The following DPP10 variants were observed in gnomAD, a reference collection of about 807,000 sequenced individuals.
The protein encoded by DPP10 is inactive dipeptidyl peptidase 10.
A neutral mutation model predicts 120.9 loss-of-function variants in DPP10; 33 were observed. That is an observed-to-expected ratio of 0.27 (90% confidence interval 0.21 to 0.37). The LOEUF (loss-of-function observed/expected upper bound fraction) is 0.37. Among genes scored for constraint, DPP10 ranks in the 10% least tolerant of loss-of-function variants. DPP10 has a pLI of 1.00. For missense variants in DPP10, 816 were observed against 942.8 expected, an observed-to-expected ratio of 0.87 and a Z score of 1.76; for synonymous variants, 337 against 326.1, an observed-to-expected ratio of 1.03 and a Z score of -0.36.
chr2:115,243,697 A>G (rs537058060), intron 1 of DPP10, among the ~76,000 whole-genome samples: 2 of 152,080 alleles, frequency 1.3e-5, no homozygotes, highest in Non-Finnish European at 2.9e-5. Context: ...GACTCATACA[A>G]ATCTGTATCA....
chr2:114,521,405 T>A (rs1466816148), intron 1 of DPP10, among the ~76,000 whole-genome samples: 1 of 151,326 alleles, frequency 6.6e-6, no homozygotes, highest in African/African-American at 2.4e-5. Flanking sequence ...ACATAGAAAA[T>A]AGCATCCATG....
chr2:115,721,659 A>G (rs2092652921), intron 7 of DPP10, among the ~76,000 whole-genome samples: 1 of 152,202 alleles, frequency 6.6e-6, no homozygotes, highest in Non-Finnish European at 1.5e-5. Flanking sequence ...TGTTCAGTAT[A>G]CAAAATAATC....
At chr2:115,356,501 C>G (rs551683373) in intron 3 of DPP10, among the ~76,000 whole-genome samples, 2 of 152,204 alleles carry the variant, frequency 1.3e-5, no homozygotes, top group East Asian at 3.9e-4. Flanking sequence ...TGTCTGCAAA[C>G]AGACACAATT....
intron 3 of DPP10, among the ~76,000 whole-genome samples, chr2:115,419,725 A>T (rs1192651157): frequency 6.6e-6 from 1 of 152,166 alleles, no homozygotes; most frequent in Non-Finnish European, 1.5e-5. Flanking sequence ...ATTCCTGATG[A>T]CTTAAATAAG....
At chr2:114,851,791 C>T (rs1240710636) in intron 1 of DPP10, among the ~76,000 whole-genome samples, 3 of 152,168 alleles carry the variant, frequency 2.0e-5, no homozygotes, top group African/African-American at 4.8e-5. Context: ...CTCCAGAATA[C>T]GCATGTCTGT....
intron 13 of DPP10, among the ~76,000 whole-genome samples, chr2:115,769,062 G>A (rs1048328744): frequency 1.3e-5 from 2 of 151,952 alleles, no homozygotes; most frequent in Middle Eastern, 6.8e-3. Context: ...CAGGTAGTTA[G>A]TTTAAATTTG....
chr2:115,601,839 ATTTT>A (rs34334965), intron 5 of DPP10, among the ~76,000 whole-genome samples: 2 of 139,954 alleles, frequency 1.4e-5, no homozygotes, highest in Admixed American at 7.1e-5. Flanking sequence ...ATGCCTGGCT[ATTTT>A]TTTTTTTTTT....
rs189289347 is a variant in DPP10, at chr2:115,163,662, A to G, written c.61-145577A>G. ...ATCCTCTTTCAGGCTGACAGCCCTT[A>G]AATTTCATTAACAAGCCGCCGAGCC... On this transcript the variant is annotated intron_variant, in intron 1 of 25. Coordinates refer to ENST00000410059, the MANE Select transcript of DPP10 (RefSeq NM_020868.6). 3.3e-5 allele frequency among the ~76,000 whole-genome samples: 5 copies of G among 152,344 alleles called. No homozygotes were observed. The East Asian group carries it at 9.6e-4, about 29-fold the overall frequency.
chr2:115,781,058 T>G, intron 16 of DPP10, 63 bp downstream of exon 16: 1 of 1,357,352 alleles, frequency 7.4e-7, no homozygotes, highest in Non-Finnish European at 9.9e-7. Context: ...CAATATCTGT[T>G]GGTATCAGCA....
At chr2:115,450,169 T>A (rs943574416) in intron 3 of DPP10, among the ~76,000 whole-genome samples, 3 of 151,998 alleles carry the variant, frequency 2.0e-5, no homozygotes, top group African/African-American at 7.2e-5. Flanking sequence ...TATAGCTTAG[T>A]CTAGCCTGTC....
In DPP10 at chr2:115,623,110, G is replaced by T. The variant is rs567970992; in HGVS notation, c.442-66577G>T. Among the ~76,000 whole-genome samples the T allele has an allele frequency of 2.0e-5, 3 of 152,234 alleles. No individual in the cohort carries two copies. In the South Asian group the frequency reaches 6.2e-4, roughly 32 times the overall value. ...TCCGCCCGCCTCGGCCTCCCAAAGT[G>T]CTGGGATTACAGGCGTGAGCCACCG... On this transcript the variant is annotated intron_variant, in intron 5 of 25. Transcript: ENST00000410059.
intron 1 of DPP10, among the ~76,000 whole-genome samples, chr2:115,046,138 T>C (rs1296663930): frequency 6.6e-6 from 1 of 152,078 alleles, no homozygotes; most frequent in Non-Finnish European, 1.5e-5. Flanking sequence ...GATAGGGAGG[T>C]AACTTAAGAT....
chr2:115,096,180 A>G (rs565117708), intron 1 of DPP10, among the ~76,000 whole-genome samples: 1 of 152,252 alleles, frequency 6.6e-6, no homozygotes, highest in African/African-American at 2.4e-5. Flanking sequence ...GGGTCATACA[A>G]TTTCTTACAA....
At chr2:114,800,707 G>A (rs1035116531) in intron 1 of DPP10, among the ~76,000 whole-genome samples, 3 of 152,148 alleles carry the variant, frequency 2.0e-5, no homozygotes, top group Non-Finnish European at 4.4e-5. Context: ...TGCTTCTCCG[G>A]TTTTATACAT....
chr2:114,560,142 G>A (rs1268521492), intron 1 of DPP10, among the ~76,000 whole-genome samples: 1 of 152,148 alleles, frequency 6.6e-6, no homozygotes, highest in Non-Finnish European at 1.5e-5. Flanking sequence ...ACTGACCTTA[G>A]AAATTGTCTA....
intron 1 of DPP10, among the ~76,000 whole-genome samples, chr2:114,507,723 C>T (rs374708115): frequency 3.3e-5 from 5 of 152,264 alleles, no homozygotes; most frequent in African/African-American, 9.6e-5. Flanking sequence ...CACTGATTAA[C>T]GTGGCAATTT....
At chr2:115,785,681 G>A (rs541526569) in intron 17 of DPP10, among the ~76,000 whole-genome samples, 117 of 152,118 alleles carry the variant, frequency 7.7e-4, no homozygotes, top group African/African-American at 2.6e-3. Context: ...CAGTGGTAAT[G>A]TCCCCTTTGT....
chr2:115,296,012 T>C (rs1160190435), intron 1 of DPP10, among the ~76,000 whole-genome samples: 1 of 152,156 alleles, frequency 6.6e-6, no homozygotes, highest in African/African-American at 2.4e-5. Context: ...ATGTGTTTGT[T>C]TCTATTTCAG....
intron 1 of DPP10, among the ~76,000 whole-genome samples, chr2:115,052,329 A>T (rs1355063017): frequency 1.3e-5 from 2 of 152,200 alleles, no homozygotes; most frequent in African/African-American, 4.8e-5. Context: ...ATGGTAAACT[A>T]AATTTAATCA....
Sources: gnomAD v4.1 joint callset for allele counts (sites outside exome capture counted in the v4.1 genomes callset) on GRCh38, gnomAD v4.1.1 for gene constraint, MANE v1.5 for transcripts, NCBI Gene and HGNC (gene_info 2026-07-23, HGNC 2026-07-21) for gene names.